Variants in CPLX2 observed in about 807,000 individuals in gnomAD.
The protein encoded by CPLX2 is complexin-2.
A neutral mutation model predicts 16.3 loss-of-function variants in CPLX2; 5 were observed. The ratio of observed to expected loss-of-function variants is 0.31; its 90% CI spans 0.16 to 0.64. The LOEUF (loss-of-function observed/expected upper bound fraction) is 0.64, where lower values mean the gene tolerates loss of function less well. CPLX2 is among the 30% of genes least tolerant of loss of function. CPLX2 has a pLI of 0.79. For missense variants in CPLX2, 144 were observed against 181.4 expected (o/e 0.79, Z 1.18); for synonymous variants, 89 against 73.2 (o/e 1.22, Z -1.10).
At chr5:175,820,878 T>G (rs920381616) in intron 2 of CPLX2, among the ~76,000 whole-genome samples, 1 of 152,120 alleles carries the variant, frequency 6.6e-6, no homozygotes, top group African/African-American at 2.4e-5. Flanking sequence ...CTCAGGGCCG[T>G]GGAGATGATG....
At chr5:175,868,765 A>AT (rs1336963624), upstream of CPLX2, among the ~76,000 whole-genome samples, 1 of 152,100 alleles carries the variant, frequency 6.6e-6, no homozygotes, top group East Asian at 1.9e-4. Flanking sequence ...GTAAAAAAAA[A>AT]TCTGCAGAGC....
At chr5:175,858,250 G>A (rs1165324132) in intron 2 of CPLX2, among the ~76,000 whole-genome samples, 1 of 152,194 alleles carries the variant, frequency 6.6e-6, no homozygotes, top group Non-Finnish European at 1.5e-5. Flanking sequence ...TGAGGACTGG[G>A]AATCGTGAGC....
At chr5:175,826,547 C>T (rs1355468297) in intron 2 of CPLX2, among the ~76,000 whole-genome samples, 1 of 152,198 alleles carries the variant, frequency 6.6e-6, no homozygotes, top group South Asian at 2.1e-4. Context: ...AGGAATCAGA[C>T]GGACCCTCAA....
rs376177178 is a variant in CPLX2, at chr5:175,878,693, A to G, written c.-47A>G. The G allele has an allele frequency of 1.2e-6, 2 of 1,607,334 alleles. No homozygotes were observed. Among genetic ancestry groups the G allele is most frequent in the East Asian group, 2.2e-5 (1 of 44,630 alleles). On this transcript the variant is annotated 5_prime_UTR_variant, in exon 2 of 4. The change abolishes an upstream ATG in the 5' untranslated region. Transcript: ENST00000393745. ...AAGCCAGGCCAGCCAGGAGCGCTGC[A>G]TGCAAATTCTGCCGTGGGCTAAGGC...
At chr5:175,835,304 AC>A (rs1465980483) in intron 2 of CPLX2, among the ~76,000 whole-genome samples, 1 of 152,238 alleles carries the variant, frequency 6.6e-6, no homozygotes, top group Non-Finnish European at 1.5e-5. Context: ...AGTCAGCAAA[AC>A]AGCTCCCTTT....
chr5:175,864,813 C>T (rs1759435649), intron 2 of CPLX2, among the ~76,000 whole-genome samples: 1 of 152,148 alleles, frequency 6.6e-6, no homozygotes, highest in South Asian at 2.1e-4. Flanking sequence ...ATGCTTGGCA[C>T]ACTGGAGGTG....
At chr5:175,866,961 C>G (rs192966951), upstream of CPLX2, among the ~76,000 whole-genome samples, 25 of 152,050 alleles carry the variant, frequency 1.6e-4, no homozygotes, top group African/African-American at 6.0e-4. Context: ...CCCCTGTAGT[C>G]CCAGCTACTC....
chr5:175,840,515 T>C (rs1364799888), intron 2 of CPLX2, among the ~76,000 whole-genome samples: 2 of 152,256 alleles, frequency 1.3e-5, no homozygotes, highest in African/African-American at 2.4e-5. Context: ...CTATGGCTTC[T>C]AAAAGTCGGT....
intron 2 of CPLX2, among the ~76,000 whole-genome samples, chr5:175,842,485 C>T (rs936929037): frequency 1.3e-5 from 2 of 152,266 alleles, no homozygotes; most frequent in African/African-American, 4.8e-5. Flanking sequence ...GCTCTCAGCT[C>T]CTTTAGCAAA....
chr5:175,806,933 G>T (rs1758217131), intron 1 of CPLX2, among the ~76,000 whole-genome samples: 3 of 152,320 alleles, frequency 2.0e-5, no homozygotes, highest in Non-Finnish European at 1.5e-5. Context: ...CATCCTCTGT[G>T]TGGTAGGGGT....
chr5:175,832,416 C>T (rs1480698765), intron 2 of CPLX2, among the ~76,000 whole-genome samples: 2 of 152,234 alleles, frequency 1.3e-5, no homozygotes, highest in Non-Finnish European at 2.9e-5. Context: ...GCCAAACCAG[C>T]TCCGTGTGAT....
intron 2 of CPLX2, among the ~76,000 whole-genome samples, chr5:175,860,581 GGGAGGGAA>G (rs770358666): frequency 0.012 from 930 of 78,434 alleles, 24 homozygotes; most frequent in East Asian, 0.1. Context: ...GAGGGAGGGA[GGGAGGGAA>G]GGAAGGAAGG....
At position 175,872,384 on chromosome 5, in the gene CPLX2, T is replaced by C. The variant is rs994797602; in HGVS notation, c.-89+679T>C. On this transcript the variant is annotated intron_variant, in intron 1 of 3. Coordinates refer to ENST00000393745, the MANE Select transcript of CPLX2 (RefSeq NM_001008220.2). This position sits in a 1 kb window ranked among gnomAD's most constrained non-coding sequence, Gnocchi z 5.0. ...AACGACCCCTTCTGTGCTCTCGTTC[T>C]CGTCGGCCTCAATCTGCCCCCTTCC... is the stretch of plus-strand genomic sequence containing the variant. 3.3e-5 allele frequency among the ~76,000 whole-genome samples: 5 copies of C among 152,186 alleles called. No homozygotes were observed. Among genetic ancestry groups the C allele is most frequent in the African/African-American group, 1.2e-4 (5 of 41,446 alleles).
chr5:175,870,325 C>A (rs1340778364), upstream of CPLX2, among the ~76,000 whole-genome samples: 2 of 152,154 alleles, frequency 1.3e-5, no homozygotes, highest in Admixed American at 1.3e-4. Context: ...GGGTCTCCTG[C>A]TTTAAGGCCT....
At chr5:175,877,019 T>C (rs990865168) in intron 1 of CPLX2, among the ~76,000 whole-genome samples, 1 of 152,184 alleles carries the variant, frequency 6.6e-6, no homozygotes, top group Non-Finnish European at 1.5e-5. Context: ...TGACATTTTA[T>C]GAGTTCCTGC....
chr5:175,828,279 G>A (rs778939003), intron 2 of CPLX2, among the ~76,000 whole-genome samples: 1 of 152,154 alleles, frequency 6.6e-6, no homozygotes, highest in African/African-American at 2.4e-5. Context: ...GGACTAAGAG[G>A]GTGAGGGTCT....
At chr5:175,824,448 G>A (rs1023374790) in intron 2 of CPLX2, among the ~76,000 whole-genome samples, 4 of 152,336 alleles carry the variant, frequency 2.6e-5, no homozygotes, top group Admixed American at 2.6e-4. Flanking sequence ...CAGGGACCCT[G>A]CCCAAGTCTC....
At chr5:175,836,207 G>A (rs1319473579) in intron 2 of CPLX2, among the ~76,000 whole-genome samples, 9 of 152,228 alleles carry the variant, frequency 5.9e-5, no homozygotes, top group Admixed American at 3.3e-4. Context: ...AAAATTAGCT[G>A]GGCGTGGTGG....
chr5:175,831,821 C>T (rs769065019), intron 2 of CPLX2, among the ~76,000 whole-genome samples: 6 of 152,104 alleles, frequency 3.9e-5, no homozygotes, highest in Admixed American at 2.0e-4. Context: ...CTGATTCTGC[C>T]GAGAGGATCA....
Sources: gnomAD v4.1 joint callset for allele counts (sites outside exome capture counted in the v4.1 genomes callset) on GRCh38, gnomAD v4.1.1 for gene constraint, Gnocchi (gnomAD v3.1) non-coding constraint, MANE v1.5 for transcripts, NCBI Gene and HGNC (gene_info 2026-07-23, HGNC 2026-07-21) for gene names.